NIPBL: variants seen among roughly 807,000 people sequenced by gnomAD.
NIPBL encodes the protein nipped-B-like protein.
Under a neutral mutation model 321.8 loss-of-function variants are expected in NIPBL, and 19 were observed. The ratio of observed to expected loss-of-function variants is 0.06; its 90% CI spans 0.04 to 0.09. The LOEUF (loss-of-function observed/expected upper bound fraction) is 0.09. NIPBL is among the 10% of genes least tolerant of loss of function. NIPBL has a pLI of 1.00. For synonymous variants in NIPBL, 1,106 were observed against 1,114.1 expected, an observed-to-expected ratio of 0.99 and a Z score of 0.14; for missense variants, 2,210 against 3,327.0, an observed-to-expected ratio of 0.66 and a Z score of 8.26.
At chr5:37,014,423 T>C (rs1234189992) in intron 21 of NIPBL, among the ~76,000 whole-genome samples, 1 of 152,154 alleles carries the variant, frequency 6.6e-6, no homozygotes, top group Non-Finnish European at 1.5e-5. Context: ...GATAAACAAC[T>C]ATTGATATTA....
Position 37,044,724 on chromosome 5 carries a change from A to T in NIPBL, c.6338A>T (p.Tyr2113Phe). The change falls in exon 36 of 47, where the codon TAC (tyrosine) becomes TTC (phenylalanine). Residue 2113 changes from tyrosine to phenylalanine, a missense_variant. Tyr to Phe is a conservative substitution (Grantham distance 22). Coordinates refer to ENST00000282516, the MANE Select transcript of NIPBL (RefSeq NM_133433.4). ...FKFVWACFNR[Y>F]YGAISKLKSQ... Reference sequence around the variant, plus strand: ...TTTGTGTGGGCTTGTTTCAATAGATACTATGGTAAGTTCAATACCAGGGTT... The same window carrying T: ...TTTGTGTGGGCTTGTTTCAATAGATTCTATGGTAAGTTCAATACCAGGGTT... The T allele has an allele frequency of 6.2e-7, 1 of 1,608,892 alleles. No homozygotes were observed. Among genetic ancestry groups the T allele is most frequent in the South Asian group, 1.1e-5 (1 of 90,994 alleles).
chr5:36,945,977 G>C (rs1375194437), intron 1 of NIPBL, among the ~76,000 whole-genome samples: 1 of 152,040 alleles, frequency 6.6e-6, no homozygotes, highest in Admixed American at 6.6e-5. Context: ...CTTAACCTGT[G>C]TAGCTATTTA....
chr5:36,946,089 A>T (rs552443405), intron 1 of NIPBL, among the ~76,000 whole-genome samples: 6 of 152,200 alleles, frequency 3.9e-5, no homozygotes, highest in Admixed American at 1.3e-4. Context: ...TAAACTTTTT[A>T]AAAAATTCTT....
chr5:36,953,040 G>T (rs1411492907), intron 1 of NIPBL, among the ~76,000 whole-genome samples: 3 of 152,160 alleles, frequency 2.0e-5, no homozygotes, highest in Non-Finnish European at 4.4e-5. Context: ...GTAGGAATGG[G>T]CTTCCTAGGT....
At chr5:36,992,752 T>TTATTTATG (rs1745686514) in intron 10 of NIPBL, among the ~76,000 whole-genome samples, 1 of 149,140 alleles carries the variant, frequency 6.7e-6, no homozygotes, top group African/African-American at 2.5e-5. Flanking sequence ...ATTTATTTAT[T>TTATTTATG]TATTTATTGA....
intron 16 of NIPBL, 27 bp from the exon 17 acceptor site, chr5:37,006,330 C>A: frequency 8.2e-7 from 1 of 1,216,462 alleles, no homozygotes; most frequent in Non-Finnish European, 1.2e-6. Context: ...TGTTTATTTC[C>A]ATTTCATTAA....
In NIPBL at chr5:37,065,593, T is replaced by C. The variant is rs1755291585; in HGVS notation, c.*701T>C. ...ACAGTCTTTTATGTAAAATTTATTATATCACTGGTTTTCAAAGCAAAACAT... is the reference window on the plus strand; with the variant it reads ...ACAGTCTTTTATGTAAAATTTATTACATCACTGGTTTTCAAAGCAAAACAT... On this transcript the variant is annotated 3_prime_UTR_variant, in exon 47 of 47. Coordinates refer to ENST00000282516, the MANE Select transcript of NIPBL (RefSeq NM_133433.4). 6.5e-6 allele frequency: 1 copy of C among 152,678 alleles called. No homozygotes were observed. Among genetic ancestry groups the C allele is most frequent in the African/African-American group, 2.4e-5 (1 of 41,464 alleles). The allele number at this position is 152,678 out of a possible 1,614,324, so 9.5% of individuals were successfully genotyped here.
intron 32 of NIPBL, among the ~76,000 whole-genome samples, chr5:37,030,919 CTTTTT>C (rs11291612): frequency 0.016 from 1,330 of 82,422 alleles, 26 homozygotes; most frequent in African/African-American, 0.063. Flanking sequence ...CATGTTTAGC[CTTTTT>C]TTTTTTTTTT....
chr5:37,044,602 T>A, intron 35 of NIPBL, 34 bp from the exon 36 acceptor site: 1 of 1,589,762 alleles, frequency 6.3e-7, no homozygotes, highest in Non-Finnish European at 8.6e-7. Flanking sequence ...AGTATATTTT[T>A]AACTTTTATC....
intron 32 of NIPBL, among the ~76,000 whole-genome samples, chr5:37,027,772 C>T (rs1750474541): frequency 6.6e-6 from 1 of 151,822 alleles, no homozygotes; most frequent in South Asian, 2.1e-4. Context: ...GTGTCCACCA[C>T]CACACTCGGC....
chr5:37,044,510 C>A (rs1752772390), intron 35 of NIPBL, 23 bp downstream of exon 35: 1 of 1,610,818 alleles, frequency 6.2e-7, no homozygotes, highest in Non-Finnish European at 8.5e-7. Context: ...TTTACCATTT[C>A]TTTATTCATT....
intron 29 of NIPBL, among the ~76,000 whole-genome samples, chr5:37,024,015 A>C (rs1749972246): frequency 6.6e-6 from 1 of 152,060 alleles, no homozygotes; most frequent in African/African-American, 2.4e-5. Flanking sequence ...AAATACAAAA[A>C]TTAGCCAGGC....
At chr5:36,877,545 C>G (rs891375915) in intron 1 of NIPBL, among the ~76,000 whole-genome samples, 7 of 152,196 alleles carry the variant, frequency 4.6e-5, no homozygotes, top group African/African-American at 1.7e-4. Flanking sequence ...GGAGCCGTAG[C>G]TAGTGGGGAG....
intron 44 of NIPBL, 30 bp downstream of exon 44, chr5:37,059,195 A>T (rs1263488006): frequency 7.5e-6 from 12 of 1,610,200 alleles, no homozygotes; most frequent in Non-Finnish European, 1.0e-5. Flanking sequence ...GAGAGAAAAA[A>T]CTTCACTCTG....
At chr5:37,044,147 G>T (rs934506596) in intron 34 of NIPBL, among the ~76,000 whole-genome samples, 200 bp from the exon 35 acceptor site, 1 of 151,850 alleles carries the variant, frequency 6.6e-6, no homozygotes, top group Admixed American at 6.6e-5. Context: ...TCACATTTTG[G>T]TAAGTTAGTT....
chr5:37,056,248 T>TG (rs1754081327), intron 42 of NIPBL, among the ~76,000 whole-genome samples: 1 of 152,182 alleles, frequency 6.6e-6, no homozygotes, highest in South Asian at 2.1e-4. Context: ...GATACTCTTA[T>TG]GAATATTAAT....
At chr5:36,884,174 T>G (rs1745711441) in intron 1 of NIPBL, among the ~76,000 whole-genome samples, 2 of 152,146 alleles carry the variant, frequency 1.3e-5, no homozygotes, top group Admixed American at 1.3e-4. Context: ...ATCTCTTCCT[T>G]TCACTATCAA....
At chr5:37,060,222 T>G (rs893494908) in intron 44 of NIPBL, among the ~76,000 whole-genome samples, 2 of 152,214 alleles carry the variant, frequency 1.3e-5, no homozygotes, top group African/African-American at 4.8e-5. Context: ...GATGCCCAGG[T>G]GGAGTGCAGT....
chr5:36,978,297 G>A (rs960781521), intron 9 of NIPBL, among the ~76,000 whole-genome samples: 2 of 151,974 alleles, frequency 1.3e-5, no homozygotes, highest in African/African-American at 4.8e-5. Context: ...ATTCTGACTG[G>A]TGTAAGATTG....
Sources: allele counts gnomAD v4.1 joint callset (sites outside exome capture counted in the v4.1 genomes callset), GRCh38; gene constraint gnomAD v4.1.1; transcripts MANE v1.5; gene names NCBI Gene and HGNC (gene_info 2026-07-23, HGNC 2026-07-21).